Variants in ANO3 observed in about 807,000 individuals in gnomAD.
The protein encoded by ANO3 is anoctamin 3, also known as anoctamin-3.
ANO3 carries 99 observed loss-of-function variants against 144.8 expected under a neutral mutation model. That is an observed-to-expected ratio of 0.68 (90% CI 0.58 to 0.81). ANO3 has a LOEUF of 0.81. Ranked by LOEUF, ANO3 falls within the 30% of genes least tolerant of loss-of-function variation. ANO3 has a pLI of 0.00. For synonymous variants in ANO3, 414 were observed against 392.6 expected, an observed-to-expected ratio of 1.05 and a Z score of -0.64; for missense variants, 905 against 1,202.2, an observed-to-expected ratio of 0.75 and a Z score of 3.66.
At chr11:26,215,579 T>C (rs1316722269) in intron 1 of ANO3, among the ~76,000 whole-genome samples, 1 of 152,028 alleles carries the variant, frequency 6.6e-6, no homozygotes, top group African/African-American at 2.4e-5. Flanking sequence ...GTTCCTTTTA[T>C]TGAAAAATAT....
At chr11:26,640,651 T>C (rs1239026305) in intron 21 of ANO3, among the ~76,000 whole-genome samples, 1 of 152,174 alleles carries the variant, frequency 6.6e-6, no homozygotes, top group African/African-American at 2.4e-5. Flanking sequence ...TGGTGCACTT[T>C]AGACAGGACA....
chr11:26,363,569 A>T (rs779457873), intron 1 of ANO3, among the ~76,000 whole-genome samples: 1 of 152,102 alleles, frequency 6.6e-6, no homozygotes, highest in Non-Finnish European at 1.5e-5. Context: ...AACCTCATTT[A>T]ACCAAAAATG....
chr11:26,427,851 C>A (rs755010629), intron 1 of ANO3, among the ~76,000 whole-genome samples: 1 of 152,064 alleles, frequency 6.6e-6, no homozygotes, highest in Non-Finnish European at 1.5e-5. Flanking sequence ...CTTCTCATGG[C>A]GGCAGCAAGA....
intron 10 of ANO3, among the ~76,000 whole-genome samples, chr11:26,538,129 A>G (rs1460591862): frequency 6.6e-6 from 1 of 152,222 alleles, no homozygotes; most frequent in Non-Finnish European, 1.5e-5. Context: ...GCAGTCTGGT[A>G]CGACCAATAG....
rs368586225 is a variant in ANO3, at chr11:26,349,526, GA to G, written c.46+17207del. On this transcript the variant is annotated intron_variant, in intron 1 of 26. Coordinates refer to ENST00000256737, the MANE Select transcript of ANO3 (RefSeq NM_031418.4). ...CTATTATAAGTCACTTGAGAAATGA[GA>G]ATTGTTATTGTTTGTTTGTTTTTGT... Among the ~76,000 whole-genome samples, 358 of 152,118 alleles carry G rather than the reference GA, an allele frequency of 2.4e-3. 2 individuals carry two copies. The highest frequency in any genetic ancestry group is 8.4e-3 in the African/African-American group (347 of 41,528).
chr11:26,459,190 A>G (rs1160303387), intron 3 of ANO3, among the ~76,000 whole-genome samples: 13 of 152,116 alleles, frequency 8.5e-5, no homozygotes. Context: ...GAATGATAGT[A>G]AGGAGCTAGA....
At chr11:26,253,747 C>A (rs777580518) in intron 1 of ANO3, among the ~76,000 whole-genome samples, 1 of 152,086 alleles carries the variant, frequency 6.6e-6, no homozygotes, top group African/African-American at 2.4e-5. Context: ...AAGCTGGGAT[C>A]TGAGGCCAGA....
intron 5 of ANO3, among the ~76,000 whole-genome samples, chr11:26,511,410 GA>G (rs1180669387): frequency 6.6e-6 from 1 of 152,046 alleles, no homozygotes; most frequent in Middle Eastern, 3.4e-3. Flanking sequence ...TGCAAATTAA[GA>G]AAACAAACAA....
intron 1 of ANO3, among the ~76,000 whole-genome samples, chr11:26,266,344 C>T (rs1474956215): frequency 6.6e-6 from 1 of 152,048 alleles, no homozygotes; most frequent in Non-Finnish European, 1.5e-5. Context: ...TTATTGGGCA[C>T]CTATTATATG....
At chr11:26,396,832 T>C (rs1857026683) in intron 1 of ANO3, among the ~76,000 whole-genome samples, 1 of 151,848 alleles carries the variant, frequency 6.6e-6, no homozygotes, top group Non-Finnish European at 1.5e-5. Context: ...TTAGGAGAAA[T>C]ATCTAATGTA....
At chr11:26,493,060 C>T (rs1995801) in intron 4 of ANO3, among the ~76,000 whole-genome samples, 8,871 of 152,218 alleles carry the variant, frequency 0.058, 514 homozygotes, top group African/African-American at 0.15. Flanking sequence ...GTGTAAAGGA[C>T]GTCACTTTAA....
intron 4 of ANO3, among the ~76,000 whole-genome samples, chr11:26,505,699 G>A (rs943083727): frequency 1.3e-5 from 2 of 152,228 alleles, no homozygotes; most frequent in African/African-American, 2.4e-5. Flanking sequence ...TTGGCCGGGC[G>A]CAGTGGCTCA....
At chr11:26,607,721 G>A (rs1026713087) in intron 17 of ANO3, among the ~76,000 whole-genome samples, 2 of 152,156 alleles carry the variant, frequency 1.3e-5, no homozygotes, top group Admixed American at 6.5e-5. Flanking sequence ...TCACTTGGTC[G>A]ATTCAGCTAT....
intron 4 of ANO3, among the ~76,000 whole-genome samples, chr11:26,495,815 A>T (rs967497654): frequency 6.6e-6 from 1 of 152,160 alleles, no homozygotes; most frequent in Non-Finnish European, 1.5e-5. Context: ...CTTGGTGTGA[A>T]GGTTATGGGA....
In ANO3 at chr11:26,660,257, T is replaced by G. The variant is rs752713688; in HGVS notation, c.2764-5T>G. The G allele has an allele frequency of 1.9e-5, 31 of 1,612,602 alleles. No individual in the cohort carries two copies. The Middle Eastern group carries it at 6.6e-4, about 34-fold the overall frequency. ...AAACTGTCCTTTTCACATTTAAATT[T>G]GCAGCACCTTGTTTTTGGGATTAAG... is the stretch of plus-strand genomic sequence containing the variant. On this transcript the variant is annotated splice_region_variant and splice_polypyrimidine_tract_variant and intron_variant, in intron 26 of 26. Coordinates refer to ENST00000256737, the MANE Select transcript of ANO3 (RefSeq NM_031418.4).
At chr11:26,308,866 A>G (rs1200881490), upstream of ANO3, among the ~76,000 whole-genome samples, 4 of 152,214 alleles carry the variant, frequency 2.6e-5, no homozygotes, top group Admixed American at 6.5e-5. Context: ...TAGCATGCAC[A>G]AAAGCTAAAC....
chr11:26,659,650 A>G (rs1292944059), intron 26 of ANO3, among the ~76,000 whole-genome samples: 1 of 152,108 alleles, frequency 6.6e-6, no homozygotes, highest in Non-Finnish European at 1.5e-5. Context: ...TCAGCTGTGT[A>G]TATGCCACTG....
chr11:26,561,289 C>A, intron 14 of ANO3: 1 of 1,235,456 alleles, frequency 8.1e-7, no homozygotes, highest in Non-Finnish European at 1.1e-6. Flanking sequence ...GTTCAGGCAT[C>A]CACCAAGTTA....
intron 4 of ANO3, among the ~76,000 whole-genome samples, chr11:26,503,954 C>A (rs1291196884): frequency 6.6e-6 from 1 of 152,076 alleles, no homozygotes; most frequent in Non-Finnish European, 1.5e-5. Flanking sequence ...TCTCATTGAA[C>A]AACATTTGCC....
Sources: gnomAD v4.1 joint callset for allele counts (sites outside exome capture counted in the v4.1 genomes callset) on GRCh38, gnomAD v4.1.1 for gene constraint, MANE v1.5 for transcripts, NCBI Gene and HGNC (gene_info 2026-07-23, HGNC 2026-07-21) for gene names.